ZNF469: variants seen among roughly 807,000 people sequenced by gnomAD.
ZNF469 encodes zinc finger protein 469.
A neutral mutation model predicts 1.0 loss-of-function variants in ZNF469; 1 was observed. That is an observed-to-expected ratio of 1.00 (90% confidence interval 0.35 to 4.73). ZNF469 has a LOEUF of 4.73. Ranked by LOEUF, ZNF469 falls within the 30% of genes most tolerant of loss-of-function variation. The pLI, the probability that ZNF469 is intolerant of heterozygous loss-of-function variation, is 0.16. For synonymous variants in ZNF469, 2,703 were observed against 2,363.4 expected, an observed-to-expected ratio of 1.14 and a Z score of -4.17; for missense variants, 6,100 against 5,356.3, an observed-to-expected ratio of 1.14 and a Z score of -4.33.
At chr16:88,141,537 G>T in the ZNF469 span, among the ~76,000 whole-genome samples, 1 of 44,042 alleles carries the variant, frequency 2.3e-5, no homozygotes, top group African/African-American at 8.5e-5. Flanking sequence ...GCTATGAAAC[G>T]CTCAGCCTGG....
Position 88,437,697 on chromosome 16 carries a change from G to A in ZNF469, c.10227G>A (p.Thr3409=), listed in dbSNP as rs1249162778. 7.1e-6 allele frequency: 11 copies of A among 1,549,650 alleles called. No individual in the cohort carries two copies. Among genetic ancestry groups the A allele is most frequent in the Non-Finnish European group, 8.7e-6 (10 of 1,146,604 alleles). ...TPLYACELCA[T]VMRIIKKSFA... ...TGTATGCCTGCGAGCTCTGCGCCAC[G>A]GTTATGCGCATCATCAAGAAGTCCT... The change falls in exon 3 of 3, where the codon ACG becomes ACA. Residue 3409 remains threonine (T), a synonymous_variant. Transcript: ENST00000565624.
chr16:88,196,606 T>G, the ZNF469 span, among the ~76,000 whole-genome samples: 1 of 152,104 alleles, frequency 6.6e-6, no homozygotes, highest in African/African-American at 2.4e-5. Context: ...CAAAAATAGC[T>G]GGAAAGAAGC....
At chr16:88,163,126 G>A in the ZNF469 span, among the ~76,000 whole-genome samples, 1 of 145,652 alleles carries the variant, frequency 6.9e-6, no homozygotes, top group Non-Finnish European at 1.5e-5. Context: ...AGTGGCATAA[G>A]TGGATGAATA....
the ZNF469 span, among the ~76,000 whole-genome samples, chr16:88,345,668 G>A: frequency 1.3e-5 from 2 of 152,176 alleles, no homozygotes; most frequent in Admixed American, 1.3e-4. Flanking sequence ...GGGAGCCTCT[G>A]GCTCACCATG....
chr16:88,189,555 C>T, the ZNF469 span, among the ~76,000 whole-genome samples: 8 of 152,178 alleles, frequency 5.3e-5, no homozygotes, highest in African/African-American at 1.9e-4. The surrounding 1 kb of genome is among the most constrained non-coding windows in gnomAD (Gnocchi z 4.3). Context: ...CTACTGTGTG[C>T]CAGGCACTAG....
At chr16:88,150,744 C>T in the ZNF469 span, among the ~76,000 whole-genome samples, 9 of 107,508 alleles carry the variant, frequency 8.4e-5, 1 homozygote, top group Middle Eastern at 7.9e-3. Context: ...TTCGAGTTTC[C>T]GGACTTTGGG....
At chr16:88,224,942 G>T in the ZNF469 span, among the ~76,000 whole-genome samples, 1 of 152,208 alleles carries the variant, frequency 6.6e-6, no homozygotes, top group African/African-American at 2.4e-5. Context: ...CTGGGCTCAC[G>T]TGGCTCAGCC....
chr16:88,210,792 G>C, the ZNF469 span, among the ~76,000 whole-genome samples: 1 of 152,096 alleles, frequency 6.6e-6, no homozygotes, highest in African/African-American at 2.4e-5. Flanking sequence ...GTTGTGTATC[G>C]GTCCCACACT....
chr16:88,385,799 G>A (rs2092535631), intron 1 of ZNF469, among the ~76,000 whole-genome samples: 1 of 152,104 alleles, frequency 6.6e-6, no homozygotes, highest in Non-Finnish European at 1.5e-5. Context: ...AACCCCTCTG[G>A]GACTTTATTT....
At chr16:88,303,859 C>G in the ZNF469 span, among the ~76,000 whole-genome samples, 3 of 152,286 alleles carry the variant, frequency 2.0e-5, no homozygotes, top group South Asian at 6.2e-4. Context: ...AGATATGATG[C>G]AAAGCACCCA....
At chr16:88,184,651 G>C in the ZNF469 span, among the ~76,000 whole-genome samples, 4 of 151,980 alleles carry the variant, frequency 2.6e-5, no homozygotes, top group African/African-American at 9.7e-5. Flanking sequence ...CGCTGTCGCC[G>C]CAAAGCAGAA....
At chr16:88,305,535 C>G in the ZNF469 span, among the ~76,000 whole-genome samples, 1 of 150,264 alleles carries the variant, frequency 6.7e-6, no homozygotes, top group Non-Finnish European at 1.5e-5. Context: ...CACACGCTCA[C>G]AGGCACACAT....
intron 1 of ZNF469, among the ~76,000 whole-genome samples, chr16:88,403,106 G>A (rs377108413): frequency 4.6e-5 from 7 of 152,170 alleles, no homozygotes; most frequent in Non-Finnish European, 8.8e-5. Context: ...GGGAGGGATC[G>A]GGGAGTCCAG....
In ZNF469 at chr16:88,428,903, A is replaced by G; in HGVS notation, c.1433A>G (p.Gln478Arg). The change falls in exon 3 of 3, where the codon CAG becomes CGG. Residue 478 changes from glutamine (Q) to arginine (R), a missense_variant. Physicochemically the swap from Gln to Arg is conservative, Grantham distance 43 (BLOSUM62 1). Coordinates refer to ENST00000565624, the MANE Select transcript of ZNF469 (RefSeq NM_001367624.2). ...PSPGQRLCLPQSAPLPWPQVL... is the reference protein window; with the variant it reads ...PSPGQRLCLPRSAPLPWPQVL... ...CCAGGCCAGCGGCTCTGCCTCCCCC[A>G]GAGTGCCCCCCTGCCTTGGCCCCAA... 3 of 1,546,726 alleles carry G rather than the reference A, an allele frequency of 1.9e-6. No individual in the cohort carries two copies. The highest frequency in any genetic ancestry group is 2.4e-5 in the East Asian group (1 of 40,822).
chr16:88,125,623 T>C, the ZNF469 span, among the ~76,000 whole-genome samples: 2 of 152,240 alleles, frequency 1.3e-5, no homozygotes, highest in Non-Finnish European at 2.9e-5. Flanking sequence ...TAGCATTTTA[T>C]AGTTTTCACT....
At chr16:88,234,778 T>C in the ZNF469 span, 1 of 152,218 alleles carries the variant, frequency 6.6e-6, no homozygotes, top group South Asian at 2.1e-4. Context: ...TCTTTCCCAT[T>C]GCAGCTTCTC....
the ZNF469 span, among the ~76,000 whole-genome samples, chr16:88,141,953 T>C: frequency 6.6e-6 from 1 of 152,198 alleles, no homozygotes; most frequent in Non-Finnish European, 1.5e-5. Flanking sequence ...AATGCATTCG[T>C]GTTGTTTCAG....
chr16:88,207,919 G>C, the ZNF469 span, among the ~76,000 whole-genome samples: 1 of 152,124 alleles, frequency 6.6e-6, no homozygotes, highest in Non-Finnish European at 1.5e-5. Context: ...TCGAGGGTGT[G>C]GGGGGTGGAT....
the ZNF469 span, among the ~76,000 whole-genome samples, chr16:88,222,758 GA>G: frequency 4.7e-3 from 685 of 147,084 alleles, 4 homozygotes; most frequent in African/African-American, 0.016. Context: ...ACTCCATCCC[GA>G]AAAAAAAAAA....
Sources: gnomAD v4.1 joint callset for allele counts (sites outside exome capture counted in the v4.1 genomes callset) on GRCh38, gnomAD v4.1.1 for gene constraint, Gnocchi (gnomAD v3.1) non-coding constraint, MANE v1.5 for transcripts, NCBI Gene and HGNC (gene_info 2026-07-23, HGNC 2026-07-21) for gene names.